The following DYNC2H1 variants were observed in gnomAD, a reference collection of about 807,000 sequenced individuals.
DYNC2H1 encodes dynein cytoplasmic 2 heavy chain 1.
DYNC2H1 carries 410 observed loss-of-function variants against 570.0 expected under a neutral mutation model. The observed-to-expected ratio is 0.72, with a 90% CI of 0.66 to 0.78. The LOEUF is 0.78. Among genes scored for constraint, DYNC2H1 ranks in the 30% least tolerant of loss-of-function variants. The probability of loss-of-function intolerance (pLI) is 0.00; values close to 1 mark genes in which losing one functional copy is unlikely to be tolerated. For synonymous variants in DYNC2H1, 1,688 were observed against 1,677.6 expected, an observed-to-expected ratio of 1.01 and a Z score of -0.15; for missense variants, 4,865 against 5,046.4, an observed-to-expected ratio of 0.96 and a Z score of 1.09.
chr11:103,320,854 TG>T (rs1938147979), intron 80 of DYNC2H1, among the ~76,000 whole-genome samples, 174 bp from the exon 81 acceptor site: 2 of 152,180 alleles, frequency 1.3e-5, no homozygotes, highest in Admixed American at 6.6e-5. Context: ...GTAAAATATT[TG>T]GAAAATTTTA....
chr11:103,414,770 C>A (rs1209004989), intron 84 of DYNC2H1, among the ~76,000 whole-genome samples: 1 of 152,170 alleles, frequency 6.6e-6, no homozygotes, highest in Non-Finnish European at 1.5e-5. Context: ...CATGAGTGAA[C>A]TCCCATTCAC....
intron 83 of DYNC2H1, among the ~76,000 whole-genome samples, chr11:103,361,282 A>T (rs1180965950): frequency 6.6e-6 from 1 of 152,190 alleles, no homozygotes; most frequent in South Asian, 2.1e-4. Flanking sequence ...GAGGTTCCAG[A>T]GGGATCCCTT....
Position 103,395,565 on chromosome 11 carries a change from G to T in DYNC2H1, c.12157-4098G>T, listed in dbSNP as rs149186766. Among the ~76,000 whole-genome samples the T allele has an allele frequency of 3.1e-3, 469 of 151,838 alleles. 12 individuals carry two copies. The highest frequency in any genetic ancestry group is 0.027 in the Admixed American group (406 of 15,228). ...CATACAGCATCTCTTTATTATCACA[G>T]AATTATTGCAGCTATTCTCTAATTT... On this transcript the variant is annotated intron_variant, in intron 83 of 88. Coordinates refer to ENST00000375735, the MANE Select transcript of DYNC2H1 (RefSeq NM_001377.3). The surrounding 1 kb of genome is among the most constrained non-coding windows in gnomAD (Gnocchi z 4.3).
chr11:103,385,530 C>T (rs966306953), intron 83 of DYNC2H1, among the ~76,000 whole-genome samples: 1 of 152,032 alleles, frequency 6.6e-6, no homozygotes, highest in Non-Finnish European at 1.5e-5. Context: ...GTAGCCATTG[C>T]CTAGTTTATT....
At chr11:103,423,420 A>AC (rs1943557720) in intron 84 of DYNC2H1, among the ~76,000 whole-genome samples, 1 of 30,318 alleles carries the variant, frequency 3.3e-5, no homozygotes, top group African/African-American at 2.5e-4. Flanking sequence ...AAAAAAAAAA[A>AC]AAAAAAAAAA....
Position 103,326,214 on chromosome 11 carries a change from C to T in DYNC2H1, c.12039+2224C>T, listed in dbSNP as rs1409962044. On this transcript the variant is annotated intron_variant, in intron 82 of 88. Coordinates refer to ENST00000375735, the MANE Select transcript of DYNC2H1 (RefSeq NM_001377.3). The surrounding 1 kb of genome is among the most constrained non-coding windows in gnomAD (Gnocchi z 6.1). Reference sequence around the variant, plus strand: ...TTTTTTTGTTATTTCCTTGTTTTCGCAGGCACGTTCTTGGGAGTAGAGGGA... The same window carrying T: ...TTTTTTTGTTATTTCCTTGTTTTCGTAGGCACGTTCTTGGGAGTAGAGGGA... 6.6e-6 allele frequency among the ~76,000 whole-genome samples: 1 copy of T among 151,932 alleles called. No homozygotes were observed. Among genetic ancestry groups the T allele is most frequent in the Non-Finnish European group, 1.5e-5 (1 of 68,000 alleles).
chr11:103,368,421 C>T (rs556619491), intron 83 of DYNC2H1, among the ~76,000 whole-genome samples: 7 of 151,760 alleles, frequency 4.6e-5, no homozygotes, highest in African/African-American at 1.7e-4. Flanking sequence ...GGTCTTTTAC[C>T]AATTTTTGAA....
At position 103,121,170 on chromosome 11, in the gene DYNC2H1, C is replaced by T. The variant is rs1402677177; in HGVS notation, c.1360+134C>T. On this transcript the variant is annotated intron_variant, in intron 9 of 88. Transcript: ENST00000375735. The stretch of plus-strand genomic sequence containing the variant: ...CATGCTGAAGATTAATTTACTTATT[C>T]TGTTATAAATGACAGATTTTTTTGC... 7.8e-6 allele frequency: 7 copies of T among 900,864 alleles called. No homozygotes were observed. The Admixed American group carries it at 1.7e-4, about 21-fold the overall frequency. 55.8% of individuals were successfully genotyped at this position (900,864 alleles called of 1,614,324 possible). A position where few individuals can be genotyped will look rare whatever the true frequency, so the allele number is the denominator to read the frequency against.
chr11:103,135,726 A>C lies in DYNC2H1; in HGVS notation c.2352A>C (p.Gly784=). The change falls in exon 17 of 89, where the codon GGA becomes GGC. Residue 784 remains glycine (G), a synonymous_variant. Coordinates refer to ENST00000375735, the MANE Select transcript of DYNC2H1 (RefSeq NM_001377.3). ...GTTATTTATTTACTTTTAGACAGGG[A>C]CGATTACAATTCAGGCCCCCTTTTG... ...EINIDLTYKQ[G]RLQFRPPFEE... 1 of 1,609,356 alleles carries C rather than the reference A, an allele frequency of 6.2e-7. No homozygotes were observed. Among genetic ancestry groups the C allele is most frequent in the Non-Finnish European group, 8.5e-7 (1 of 1,177,390 alleles).
intron 83 of DYNC2H1, among the ~76,000 whole-genome samples, chr11:103,367,116 T>A (rs912521401): frequency 6.6e-6 from 1 of 152,148 alleles, no homozygotes; most frequent in Non-Finnish European, 1.5e-5. Flanking sequence ...CTGGGAAGAA[T>A]AATAATCATT....
chr11:103,340,778 T>C (rs1939406228), intron 82 of DYNC2H1, among the ~76,000 whole-genome samples: 1 of 152,100 alleles, frequency 6.6e-6, no homozygotes, highest in Non-Finnish European at 1.5e-5. Flanking sequence ...AGTTTCAAAA[T>C]GTAATAGCTG....
intron 87 of DYNC2H1, among the ~76,000 whole-genome samples, chr11:103,466,034 G>A (rs1324806189): frequency 2.0e-5 from 3 of 152,098 alleles, no homozygotes; most frequent in Non-Finnish European, 4.4e-5. Context: ...TATTATTATT[G>A]TTATCATTAT....
At chr11:103,139,907 A>G (rs1406804247) in intron 17 of DYNC2H1, among the ~76,000 whole-genome samples, 4 of 152,132 alleles carry the variant, frequency 2.6e-5, no homozygotes, top group East Asian at 1.9e-4. Flanking sequence ...TCCTGTATTG[A>G]GTGCATATAT....
intron 87 of DYNC2H1, among the ~76,000 whole-genome samples, chr11:103,460,668 T>A (rs1236989107): frequency 1.3e-5 from 2 of 151,440 alleles, no homozygotes; most frequent in Admixed American, 1.3e-4. Flanking sequence ...AATATATGTA[T>A]AATCTGTATA....
intron 84 of DYNC2H1, among the ~76,000 whole-genome samples, chr11:103,424,266 C>CAA (rs34152391): frequency 0.11 from 16,737 of 151,992 alleles, 1,218 homozygotes; most frequent in African/African-American, 0.21. Context: ...TCAGTAAAAA[C>CAA]ATTTTTTAAA....
chr11:103,450,290 G>A (rs35782069), intron 85 of DYNC2H1, among the ~76,000 whole-genome samples: 8,193 of 152,248 alleles, frequency 0.054, 391 homozygotes, highest in East Asian at 0.2. Context: ...CTCAGTAACT[G>A]AAAGGATAAA....
At chr11:103,262,152 A>G (rs1865322531) in intron 70 of DYNC2H1, among the ~76,000 whole-genome samples, 1 of 152,252 alleles carries the variant, frequency 6.6e-6, no homozygotes, top group Non-Finnish European at 1.5e-5. Context: ...GATTAGAGAA[A>G]AAAGAATGAA....
intron 5 of DYNC2H1, 22 bp from the exon 6 acceptor site, chr11:103,117,601 CCTTAAACT>C: frequency 6.8e-7 from 1 of 1,480,708 alleles, no homozygotes; most frequent in South Asian, 1.4e-5. Flanking sequence ...CATTTATTTC[CCTTAAACT>C]CTTTGCTTTA....
intron 85 of DYNC2H1, among the ~76,000 whole-genome samples, chr11:103,454,792 T>A (rs1417949799): frequency 3.3e-5 from 5 of 152,186 alleles, no homozygotes; most frequent in African/African-American, 1.2e-4. Flanking sequence ...ATATTCACCA[T>A]CAAATCTGGA....
Sources: gnomAD v4.1 joint callset for allele counts (sites outside exome capture counted in the v4.1 genomes callset) on GRCh38, gnomAD v4.1.1 for gene constraint, Gnocchi (gnomAD v3.1) non-coding constraint, MANE v1.5 for transcripts, NCBI Gene and HGNC (gene_info 2026-07-23, HGNC 2026-07-21) for gene names.